SIPA1L1: variants seen among roughly 807,000 people sequenced by gnomAD.
The protein encoded by SIPA1L1 is signal-induced proliferation-associated 1-like protein 1.
Under a neutral mutation model 162.7 loss-of-function variants are expected in SIPA1L1, and 26 were observed. The observed-to-expected ratio is 0.16, with a 90% confidence interval of 0.12 to 0.22. The LOEUF is 0.22. SIPA1L1 is among the 10% of genes least tolerant of loss of function. The probability of loss-of-function intolerance (pLI) is 1.00; values close to 1 mark genes in which losing one functional copy is unlikely to be tolerated. For synonymous variants in SIPA1L1, 829 were observed against 837.4 expected, an observed-to-expected ratio of 0.99 and a Z score of 0.17; for missense variants, 1,874 against 2,241.0, an observed-to-expected ratio of 0.84 and a Z score of 3.31.
chr14:71,445,704 A>G (rs891620417), intron 2 of SIPA1L1, among the ~76,000 whole-genome samples: 3 of 152,206 alleles, frequency 2.0e-5, no homozygotes, highest in Admixed American at 6.5e-5. Flanking sequence ...TTGGATGACA[A>G]ATATTTCTTA....
intron 2 of SIPA1L1, among the ~76,000 whole-genome samples, chr14:71,455,220 T>C (rs2046103848): frequency 2.0e-5 from 3 of 152,236 alleles, no homozygotes; most frequent in Admixed American, 2.0e-4. Flanking sequence ...GTGTGCAGTT[T>C]TGTAACTTTA....
chr14:71,605,645 G>A (rs2037398120), intron 5 of SIPA1L1, among the ~76,000 whole-genome samples: 1 of 152,180 alleles, frequency 6.6e-6, no homozygotes, highest in Non-Finnish European at 1.5e-5. Flanking sequence ...TCTGTAAACA[G>A]CATAAGTTGT....
intron 2 of SIPA1L1, among the ~76,000 whole-genome samples, chr14:71,471,516 C>G (rs531898892): frequency 2.0e-5 from 3 of 152,308 alleles, no homozygotes; most frequent in Admixed American, 2.0e-4. Context: ...CAGGGACTGC[C>G]TTGGGGGCTG....
intron 2 of SIPA1L1, among the ~76,000 whole-genome samples, chr14:71,422,755 T>G (rs1477535344): frequency 6.6e-6 from 1 of 152,250 alleles, no homozygotes; most frequent in Admixed American, 6.5e-5. Context: ...GGCTTCCGCC[T>G]TTTAGCTATT....
chr14:71,376,097 A>G (rs891022361), intron 2 of SIPA1L1, among the ~76,000 whole-genome samples: 1 of 152,128 alleles, frequency 6.6e-6, no homozygotes, highest in Non-Finnish European at 1.5e-5. Flanking sequence ...GAAAAAGTGT[A>G]TGTAGAATTG....
intron 2 of SIPA1L1, among the ~76,000 whole-genome samples, chr14:71,479,336 G>GGTGT (rs1555433706): frequency 6.7e-6 from 1 of 148,218 alleles, no homozygotes; most frequent in Non-Finnish European, 1.5e-5. Flanking sequence ...TGTGTATGTA[G>GGTGT]GTATGTATGT....
chr14:71,561,673 C>G (rs1046832714), intron 4 of SIPA1L1, among the ~76,000 whole-genome samples: 2 of 152,158 alleles, frequency 1.3e-5, no homozygotes, highest in African/African-American at 4.8e-5. Flanking sequence ...CTGCAAACTC[C>G]TCCTCCTGGG....
At chr14:71,581,124 T>A (rs963966475) in intron 4 of SIPA1L1, among the ~76,000 whole-genome samples, 1 of 152,134 alleles carries the variant, frequency 6.6e-6, no homozygotes, top group Non-Finnish European at 1.5e-5. Flanking sequence ...TTTTTTTTTT[T>A]AAGTGAGTCC....
At chr14:71,599,276 G>A (rs1456493493) in intron 5 of SIPA1L1, among the ~76,000 whole-genome samples, 4 of 147,668 alleles carry the variant, frequency 2.7e-5, no homozygotes, top group Non-Finnish European at 5.9e-5. Context: ...TCAGCCTCCC[G>A]AGTAGCTGGG....
chr14:71,724,107 A>C (rs1271636179), intron 18 of SIPA1L1, among the ~76,000 whole-genome samples: 1 of 152,180 alleles, frequency 6.6e-6, no homozygotes, highest in Admixed American at 6.5e-5. Context: ...TTAGGATTTG[A>C]GAATCTTAGA....
chr14:71,676,270 C>A (rs922916977), intron 12 of SIPA1L1, among the ~76,000 whole-genome samples: 1 of 151,202 alleles, frequency 6.6e-6, no homozygotes, highest in Non-Finnish European at 1.5e-5. Flanking sequence ...CCAGCCTGGG[C>A]GACGGAGGTA....
At chr14:71,613,169 AT>A (rs573876327) in intron 5 of SIPA1L1, among the ~76,000 whole-genome samples, 1 of 152,124 alleles carries the variant, frequency 6.6e-6, no homozygotes, top group African/African-American at 2.4e-5. Flanking sequence ...TTATTTAATG[AT>A]TTTTTTATTC....
At chr14:71,441,333 G>A (rs2044837646) in intron 2 of SIPA1L1, among the ~76,000 whole-genome samples, 1 of 152,190 alleles carries the variant, frequency 6.6e-6, no homozygotes, top group African/African-American at 2.4e-5. Context: ...GGGATCTGGT[G>A]TGGCCTTCCC....
chr14:71,626,738 A>T (rs1367704489), intron 7 of SIPA1L1, among the ~76,000 whole-genome samples: 2 of 151,934 alleles, frequency 1.3e-5, no homozygotes, highest in African/African-American at 2.4e-5. Flanking sequence ...GGAGCTTTAA[A>T]TCTCTTTTTA....
At chr14:71,330,808 A>C in intron 2 of SIPA1L1, 1 of 662,120 alleles carries the variant, frequency 1.5e-6, no homozygotes, top group Non-Finnish European at 2.7e-6. Context: ...GCTTCACTCC[A>C]TATTCTAGAT....
chr14:71,590,179 G>A (rs545002813), intron 5 of SIPA1L1, among the ~76,000 whole-genome samples: 214 of 150,670 alleles, frequency 1.4e-3, no homozygotes, highest in Non-Finnish European at 2.5e-3. Context: ...GTGATTTACC[G>A]AAAAGTAAGT....
At chr14:71,357,723 G>A (rs1037388317) in intron 2 of SIPA1L1, among the ~76,000 whole-genome samples, 2 of 151,908 alleles carry the variant, frequency 1.3e-5, no homozygotes, top group East Asian at 1.9e-4. Flanking sequence ...CATCAATGCC[G>A]GCTAATTTTT....
At chr14:71,647,049 C>T (rs1567391300) in intron 7 of SIPA1L1, among the ~76,000 whole-genome samples, 1 of 152,076 alleles carries the variant, frequency 6.6e-6, no homozygotes, top group Non-Finnish European at 1.5e-5. Context: ...TATCTGGGAG[C>T]ATGGCTGCTA....
chr14:71,458,939 G>A (rs963078388), intron 2 of SIPA1L1, among the ~76,000 whole-genome samples: 6 of 152,070 alleles, frequency 3.9e-5, no homozygotes, highest in Non-Finnish European at 7.4e-5. Flanking sequence ...TGGGCATGGT[G>A]GTGTGCTCCT....
Sources: allele counts gnomAD v4.1 joint callset (sites outside exome capture counted in the v4.1 genomes callset), GRCh38; gene constraint gnomAD v4.1.1; transcripts MANE v1.5; gene names NCBI Gene and HGNC (gene_info 2026-07-23, HGNC 2026-07-21).